AKAP11: variants seen among roughly 807,000 people sequenced by gnomAD.
AKAP11 encodes A-kinase anchoring protein 11.
A neutral mutation model predicts 146.1 loss-of-function variants in AKAP11; 36 were observed. The observed-to-expected ratio is 0.25, with a 90% CI of 0.19 to 0.33. The LOEUF (loss-of-function observed/expected upper bound fraction) is 0.33. AKAP11 is among the 10% of genes least tolerant of loss of function. AKAP11 has a pLI of 1.00. For missense variants in AKAP11, 2,201 were observed against 2,197.0 expected (o/e 1.00, Z -0.04); for synonymous variants, 780 against 786.5 (o/e 0.99, Z 0.14).
Position 42,300,326 on chromosome 13 carries a change from C to T in AKAP11, c.1580C>T (p.Thr527Ile). The T allele has an allele frequency of 6.2e-7, 1 of 1,610,484 alleles. No individual in the cohort carries two copies. Among genetic ancestry groups the T allele is most frequent in the Non-Finnish European group, 8.5e-7 (1 of 1,178,652 alleles). The part of the protein sequence containing the change: ...SIKHGENKTV[T>I]FKHGNLDQKN... Reference sequence around the variant, plus strand: ...AAACATGGAGAAAATAAAACTGTAACTTTTAAGCATGGAAACCTTGATCAA... The same window carrying T: ...AAACATGGAGAAAATAAAACTGTAATTTTTAAGCATGGAAACCTTGATCAA... Residue 527 changes from threonine (T) to isoleucine (I), a missense_variant, in exon 8 of 13, where the codon ACT becomes ATT. Physicochemically the swap from Thr to Ile is moderately conservative, Grantham distance 89. This residue lies in a region of AKAP11 where 1,867 missense variants were observed against 1,833.5 expected (regional missense o/e 1.02). Transcript: ENST00000025301.
chr13:42,286,246 C>T (rs41288307), intron 2 of AKAP11, 54 bp from the exon 3 acceptor site: 24 of 657,830 alleles, frequency 3.6e-5, no homozygotes, highest in Non-Finnish European at 5.9e-5. Flanking sequence ...GCACAAAATG[C>T]TTGCCTGAAT....
Position 42,301,718 on chromosome 13 carries a change from C to T in AKAP11, c.2972C>T (p.Ser991Phe), listed in dbSNP as rs774185217. 2.5e-6 allele frequency: 4 copies of T among 1,614,022 alleles called. No individual in the cohort carries two copies. Among genetic ancestry groups the T allele is most frequent in the East Asian group, 2.2e-5 (1 of 44,898 alleles). The change falls in exon 8 of 13, where the codon TCT becomes TTT. Residue 991 changes from serine (S) to phenylalanine (F), a missense_variant. Coordinates refer to ENST00000025301, the MANE Select transcript of AKAP11 (RefSeq NM_016248.4). ...GAAAAGTCTCCCAAATTTCCTGACT[C>T]TCAGAATCAGTTAACTCACTGCTCA... Reference protein sequence around the residue: ...TPEKSPKFPDSQNQLTHCSLS... With the variant: ...TPEKSPKFPDFQNQLTHCSLS...
chr13:42,301,497 A>C lies in AKAP11; in HGVS notation c.2751A>C (p.Pro917=). 1 of 1,613,874 alleles carries C rather than the reference A, an allele frequency of 6.2e-7. No homozygotes were observed. Among genetic ancestry groups the C allele is most frequent in the Non-Finnish European group, 8.5e-7 (1 of 1,179,922 alleles). The change falls in exon 8 of 13, where the codon CCA becomes CCC. Residue 917 remains proline, a synonymous_variant. Coordinates refer to ENST00000025301, the MANE Select transcript of AKAP11 (RefSeq NM_016248.4). ...LTKSLKEKTP[P]FSHCDQAVLQ... ...AATCTTTAAAGGAGAAAACCCCTCC[A>C]TTTTCCCACTGTGATCAGGCAGTGC... is the stretch of plus-strand genomic sequence containing the variant.
At chr13:42,304,752 ATTCT>A (rs1372058056) in intron 8 of AKAP11, among the ~76,000 whole-genome samples, 2 of 147,508 alleles carry the variant, frequency 1.4e-5, no homozygotes, top group African/African-American at 2.5e-5. Flanking sequence ...GTGCTCAGTG[ATTCT>A]TTTTTTTTTT....
chr13:42,286,477 G>T, intron 3 of AKAP11, 78 bp downstream of exon 3: 1 of 1,061,282 alleles, frequency 9.4e-7, no homozygotes, highest in Non-Finnish European at 1.3e-6. Context: ...CTACAGCTAT[G>T]ATGTTTTGTT....
rs947263253 is a variant in AKAP11, at chr13:42,302,867, G to A, written c.4121G>A (p.Arg1374Gln). ...CAGTATGCCAATAGGCTTGCCTACC[G>A]ATCTGTTAAATCAGGATTACAGGAA... ...MDQYANRLAYRSVKSGLQEAA... is the reference protein window; with the variant it reads ...MDQYANRLAYQSVKSGLQEAA... The change falls in exon 8 of 13, where the codon CGA becomes CAA. Residue 1374 changes from arginine to glutamine, a missense_variant. This residue lies in a region of AKAP11 where 1,867 missense variants were observed against 1,833.5 expected (regional missense o/e 1.02). Coordinates refer to ENST00000025301, the MANE Select transcript of AKAP11 (RefSeq NM_016248.4). 13 of 1,613,762 alleles carry A rather than the reference G, an allele frequency of 8.1e-6. No individual in the cohort carries two copies. The highest frequency in any genetic ancestry group is 1.6e-4 in the Middle Eastern group (1 of 6,084).
rs150030567 is a variant in AKAP11 at position 42,304,907 on chromosome 13, C to T, written c.5117+1044C>T. Among the ~76,000 whole-genome samples the T allele has an allele frequency of 4.3e-3, 649 of 152,184 alleles. 14 individuals are homozygous for T. In the East Asian group the frequency reaches 0.046, roughly 11 times the overall value. Reference sequence around the variant, plus strand: ...CTGGGATTACAGGCACCCACCACCACGCCCAGCTAATTTTTGTATTTTTAG... The same window carrying T: ...CTGGGATTACAGGCACCCACCACCATGCCCAGCTAATTTTTGTATTTTTAG... On this transcript the variant is annotated intron_variant, in intron 8 of 12. Coordinates refer to ENST00000025301, the MANE Select transcript of AKAP11 (RefSeq NM_016248.4).
chr13:42,291,392 A>G (rs1959211204), intron 3 of AKAP11, among the ~76,000 whole-genome samples: 1 of 152,182 alleles, frequency 6.6e-6, no homozygotes, highest in African/African-American at 2.4e-5. Context: ...AGCTGGGATT[A>G]CAGGCACGTG....
At position 42,297,102 on chromosome 13, in the gene AKAP11, T is replaced by G; in HGVS notation, c.271T>G (p.Cys91Gly). ...LPDILNSLHF[C>G]SLNENEIICM... Reference sequence around the variant, plus strand: ...AGATATTCTGAATTCACTCCACTTCTGCAGTCTAAATGAAAATGAAATTAT... The same window carrying G: ...AGATATTCTGAATTCACTCCACTTCGGCAGTCTAAATGAAAATGAAATTAT... Residue 91 changes from cysteine to glycine, a missense_variant, in exon 6 of 13, where the codon TGC becomes GGC. Transcript: ENST00000025301. 3 of 1,590,090 alleles carry G rather than the reference T, an allele frequency of 1.9e-6. No homozygotes were observed. Among genetic ancestry groups the G allele is most frequent in the Non-Finnish European group, 2.6e-6 (3 of 1,169,322 alleles).
At chr13:42,273,951 A>C (rs763304188) in intron 1 of AKAP11, among the ~76,000 whole-genome samples, 6 of 152,240 alleles carry the variant, frequency 3.9e-5, no homozygotes, top group African/African-American at 1.4e-4. Flanking sequence ...CTTAGAAAAT[A>C]TCTCTTTGTG....
chr13:42,307,642 G>A (rs1960331468), intron 8 of AKAP11, among the ~76,000 whole-genome samples: 1 of 152,006 alleles, frequency 6.6e-6, no homozygotes, highest in Non-Finnish European at 1.5e-5. Flanking sequence ...ACAACAGAGA[G>A]GCTTGTATTG....
chr13:42,271,694 A>C (rs1369524178), upstream of AKAP11, among the ~76,000 whole-genome samples: 1 of 152,146 alleles, frequency 6.6e-6, no homozygotes, highest in Non-Finnish European at 1.5e-5. Flanking sequence ...AGGCCTGGGG[A>C]CTTGCCAGAG....
intron 1 of AKAP11, among the ~76,000 whole-genome samples, chr13:42,278,498 A>G (rs1349185857): frequency 2.0e-5 from 3 of 152,186 alleles, no homozygotes; most frequent in Non-Finnish European, 4.4e-5. Context: ...AAGATAACTT[A>G]TTACAGGTTT....
intron 1 of AKAP11, among the ~76,000 whole-genome samples, chr13:42,278,083 A>G (rs988900304): frequency 6.6e-6 from 1 of 152,156 alleles, no homozygotes; most frequent in Non-Finnish European, 1.5e-5. Flanking sequence ...TAAGTGTCCT[A>G]CCATGCATAC....
At chr13:42,311,388 A>T (rs1459049097) in intron 9 of AKAP11, among the ~76,000 whole-genome samples, 1 of 152,242 alleles carries the variant, frequency 6.6e-6, no homozygotes, top group African/African-American at 2.4e-5. Context: ...CACTTAGGAT[A>T]GTTTGGCTTA....
chr13:42,317,688 A>G lies in AKAP11; in HGVS notation c.5565A>G (p.Leu1855=), dbSNP rs1407800164. Residue 1855 remains leucine, a splice_region_variant and synonymous_variant, in exon 12 of 13, where the codon CTA becomes CTG. Coordinates refer to ENST00000025301, the MANE Select transcript of AKAP11 (RefSeq NM_016248.4). ...ACTCTGCAAATAAGGAGTTTATGCT[A>G]GTAAGTACCTACCTTACAGAGTGTG... ...FHDSANKEFM[L]LSKQLQEKGW... is the part of the protein sequence containing the mutation. The G allele has an allele frequency of 3.1e-6, 5 of 1,613,400 alleles. No homozygotes were observed. The highest frequency in any genetic ancestry group is 1.3e-5 in the African/African-American group (1 of 74,904).
In AKAP11 at chr13:42,278,733, T is replaced by G. The variant is rs577794887; in HGVS notation, c.-100+6505T>G. Among the ~76,000 whole-genome samples the G allele has an allele frequency of 2.8e-4, 43 of 152,310 alleles. No individual in the cohort carries two copies. The South Asian group carries it at 8.5e-3, about 30-fold the overall frequency. ...CTTCTGTTACCCTCATATTTACCAT[T>G]TCAGATGTTCTTTATTCCTTCGTGT... On this transcript the variant is annotated intron_variant, in intron 1 of 12. Transcript: ENST00000025301.
At chr13:42,319,037 T>G (rs1414399437) in intron 12 of AKAP11, 51 bp from the exon 13 acceptor site, 2 of 1,551,244 alleles carry the variant, frequency 1.3e-6, no homozygotes, top group Non-Finnish European at 1.8e-6. Context: ...AAATAAAAGC[T>G]TTGTTATAAA....
At chr13:42,288,412 T>A (rs1959182067) in intron 3 of AKAP11, among the ~76,000 whole-genome samples, 1 of 152,230 alleles carries the variant, frequency 6.6e-6, no homozygotes, top group Non-Finnish European at 1.5e-5. Flanking sequence ...TGTGTCTGTG[T>A]ATGTGTGTAT....
Sources: allele counts gnomAD v4.1 joint callset (sites outside exome capture counted in the v4.1 genomes callset), GRCh38; gene constraint gnomAD v4.1.1; regional missense constraint gnomAD v4.1.1; transcripts MANE v1.5; gene names NCBI Gene and HGNC (gene_info 2026-07-23, HGNC 2026-07-21).